Variants in ZNF705G observed in about 807,000 individuals in gnomAD.
ZNF705G encodes putative zinc finger protein 705G.
Under a neutral mutation model 19.6 loss-of-function variants are expected in ZNF705G, and 23 were observed. The observed-to-expected ratio is 1.17, with a 90% CI of 0.84 to 1.66. The LOEUF is 1.66. ZNF705G is among the 40% of genes most tolerant of loss of function. ZNF705G has a pLI of 0.00. For missense variants in ZNF705G, 457 were observed against 354.4 expected, an observed-to-expected ratio of 1.29 and a Z score of -2.32; for synonymous variants, 146 against 117.7, an observed-to-expected ratio of 1.24 and a Z score of -1.56.
rs868661269 is a variant in ZNF705G, at chr8:7,383,134, T to A, written c.-221-1533A>T. On this transcript the variant is annotated intron_variant, in intron 1 of 6. Transcript: ENST00000400156. ...TTGAGTTCAATGTTTGATTTTTTTTTTTTTTTTTTTTTGCTACCTGGTTAA... is the reference window on the plus strand; with the variant it reads ...TTGAGTTCAATGTTTGATTTTTTTTATTTTTTTTTTTTGCTACCTGGTTAA... Among the ~76,000 whole-genome samples the A allele has an allele frequency of 3.2e-3, 478 of 150,114 alleles. 3 individuals carry two copies. The highest frequency in any genetic ancestry group is 4.5e-3 in the Admixed American group (69 of 15,226).
At chr8:7,364,158 C>A (rs1202468839) in intron 2 of ZNF705G, among the ~76,000 whole-genome samples, 1 of 149,392 alleles carries the variant, frequency 6.7e-6, no homozygotes. Context: ...TGAGAAATAC[C>A]GATGTCCATG....
At chr8:7,365,557 A>G (rs1806818684) in intron 2 of ZNF705G, among the ~76,000 whole-genome samples, 1 of 148,706 alleles carries the variant, frequency 6.7e-6, no homozygotes, top group East Asian at 1.9e-4. Context: ...TTTGTACTAG[A>G]CGTGGTTTCT....
In ZNF705G at chr8:7,380,783, G is replaced by C. The variant is rs1002310736; in HGVS notation, c.-72+669C>G. On this transcript the variant is annotated intron_variant, in intron 2 of 6. Coordinates refer to ENST00000400156, the MANE Select transcript of ZNF705G (RefSeq NM_001164457.3). Reference sequence around the variant, plus strand: ...GCCTGTAATCCTAGCACTTTGGAAGGCTGAGGGGGGCAGATCACCCGAGGT... The same window carrying C: ...GCCTGTAATCCTAGCACTTTGGAAGCCTGAGGGGGGCAGATCACCCGAGGT... Among the ~76,000 whole-genome samples the C allele has an allele frequency of 4.8e-5, 7 of 146,024 alleles. 1 individual carries two copies. Among genetic ancestry groups the C allele is most frequent in the African/African-American group, 1.4e-4 (5 of 35,816 alleles).
At chr8:7,385,222 A>C (rs1377446068) in intron 1 of ZNF705G, among the ~76,000 whole-genome samples, 1 of 148,618 alleles carries the variant, frequency 6.7e-6, no homozygotes, top group African/African-American at 2.6e-5. Context: ...GTGCTCCTTA[A>C]TCACTTCCCA....
At position 7,360,217 on chromosome 8, in the gene ZNF705G, C is replaced by A; in HGVS notation, c.235+20G>T. 1 of 1,591,198 alleles carries A rather than the reference C, an allele frequency of 6.3e-7. No homozygotes were observed. Among genetic ancestry groups the A allele is most frequent in the South Asian group, 1.1e-5 (1 of 90,664 alleles). Reference sequence around the variant, plus strand: ...GACAAAGCACCTCCTCCTATTAGAGCACAGGACCCTGTTGCTTACTTGGAT... The same window carrying A: ...GACAAAGCACCTCCTCCTATTAGAGAACAGGACCCTGTTGCTTACTTGGAT... On this transcript the variant is annotated intron_variant, in intron 5 of 6. Transcript: ENST00000400156.
Position 7,360,240 on chromosome 8 carries a change from G to T in ZNF705G, c.232C>A (p.Pro78Thr), listed in dbSNP as rs752127080. 2.6e-5 allele frequency: 42 copies of T among 1,592,200 alleles called. 1 individual carries two copies. In the East Asian group the frequency reaches 2.7e-4, roughly 10 times the overall value. Residue 78 changes from proline to threonine, a missense_variant, in exon 5 of 7, where the codon CCA (proline) becomes ACA (threonine). Pro to Thr is a conservative substitution (Grantham distance 38). Coordinates refer to ENST00000400156, the MANE Select transcript of ZNF705G (RefSeq NM_001164457.3). ...AGCACAGGACCCTGTTGCTTACTTGGATTCTGGTCTTGAAGAAATACTCTT... is the reference window on the plus strand; with the variant it reads ...AGCACAGGACCCTGTTGCTTACTTGTATTCTGGTCTTGAAGAAATACTCTT... ...EGRVFLQDQN[P>T]NRESALKKTH...
At position 7,358,224 on chromosome 8, in the gene ZNF705G, C is replaced by A; in HGVS notation, c.655G>T (p.Glu219Ter). 1 of 1,607,608 alleles carries A rather than the reference C, an allele frequency of 6.2e-7. No individual in the cohort carries two copies. Among genetic ancestry groups the A allele is most frequent in the Non-Finnish European group, 8.5e-7 (1 of 1,179,610 alleles). ...FTQCSHLRRH[E>*]KTHTGQRPYK... is the part of the protein sequence containing the mutation. ...GGTCTCTGTCCCGTGTGAGTTTTCT[C>A]GTGTCTTCTAAGGTGAGAACACTGA... is the stretch of plus-strand genomic sequence containing the variant. The change falls in exon 7 of 7, where the codon GAG (glutamate) becomes TAG (stop). Residue 219 changes from glutamate to a stop codon, truncating the protein, a stop_gained. Coordinates refer to ENST00000400156, the MANE Select transcript of ZNF705G (RefSeq NM_001164457.3). LOFTEE classifies it high-confidence loss of function.
intron 1 of ZNF705G, among the ~76,000 whole-genome samples, chr8:7,384,504 C>T (rs1281418020): frequency 6.9e-6 from 1 of 145,950 alleles, no homozygotes; most frequent in East Asian, 1.9e-4. Flanking sequence ...TGCAAATGAA[C>T]CTAACCTGTA....
At chr8:7,361,822 G>T (rs1335092707) in intron 3 of ZNF705G, among the ~76,000 whole-genome samples, 1 of 149,574 alleles carries the variant, frequency 6.7e-6, no homozygotes, top group East Asian at 1.9e-4. Flanking sequence ...AGAAAGTAAT[G>T]ACCCAGACTC....
chr8:7,380,580 T>A (rs1490649396), intron 2 of ZNF705G, among the ~76,000 whole-genome samples: 11 of 147,108 alleles, frequency 7.5e-5, no homozygotes, highest in Admixed American at 3.3e-4. Context: ...GACTACTCTG[T>A]CCATCATGTT....
At chr8:7,368,897 A>G (rs1219467327) in intron 2 of ZNF705G, among the ~76,000 whole-genome samples, 1 of 149,618 alleles carries the variant, frequency 6.7e-6, no homozygotes, top group East Asian at 1.9e-4. Flanking sequence ...GAGGTATTAA[A>G]CCTGCAGGTG....
In ZNF705G at chr8:7,357,430, G is replaced by T. The variant is rs1012807801; in HGVS notation, c.*546C>A. The T allele has an allele frequency of 6.1e-6, 1 of 165,142 alleles. No individual in the cohort carries two copies. Among genetic ancestry groups the T allele is most frequent in the Admixed American group, 5.6e-5 (1 of 17,850 alleles). 10.2% of individuals were successfully genotyped at this position (165,142 alleles called of 1,614,324 possible). Reference sequence around the variant, plus strand: ...CATTCACAGAAAATACAAATAAAGGGTTCATCCAAGTAAAGTTTTCTCATG... The same window carrying T: ...CATTCACAGAAAATACAAATAAAGGTTTCATCCAAGTAAAGTTTTCTCATG... On this transcript the variant is annotated 3_prime_UTR_variant, in exon 7 of 7. Coordinates refer to ENST00000400156, the MANE Select transcript of ZNF705G (RefSeq NM_001164457.3).
intron 2 of ZNF705G, among the ~76,000 whole-genome samples, chr8:7,368,756 C>A (rs2128841316): frequency 6.7e-6 from 1 of 149,838 alleles, no homozygotes; most frequent in South Asian, 2.1e-4. Flanking sequence ...GGGCCCAGTG[C>A]AAGCACAGGA....
chr8:7,364,840 A>G (rs1427849225), intron 2 of ZNF705G, among the ~76,000 whole-genome samples: 1 of 149,546 alleles, frequency 6.7e-6, no homozygotes, highest in Non-Finnish European at 1.5e-5. Context: ...CAGTACATGT[A>G]TTATGTAGTC....
chr8:7,379,616 C>A lies in ZNF705G; in HGVS notation c.-72+1836G>T, dbSNP rs941266450. On this transcript the variant is annotated intron_variant, in intron 2 of 6. Transcript: ENST00000400156. ...AAGGAAGGAAAATGAAGCAGCTGCC[C>A]AGCCAGAATCAGCTTAAAGCCAGGA... Among the ~76,000 whole-genome samples, 4 of 147,120 alleles carry A rather than the reference C, an allele frequency of 2.7e-5. 1 individual carries two copies. The highest frequency in any genetic ancestry group is 1.1e-4 in the African/African-American group (4 of 36,658).
intron 2 of ZNF705G, among the ~76,000 whole-genome samples, chr8:7,381,045 A>C (rs1386582324): frequency 1.5e-5 from 2 of 137,568 alleles, no homozygotes; most frequent in African/African-American, 3.4e-5. Flanking sequence ...AAAAAAAAAA[A>C]AAAAAAAACA....
Position 7,359,711 on chromosome 8 carries a change from T to C in ZNF705G, c.236-10A>G, listed in dbSNP as rs575175937. ...AGGGCACTTTCCCTGTCTGAAATAA[T>C]TGAAAAATAAATTGTTACATTGGTA... is the stretch of plus-strand genomic sequence containing the variant. On this transcript the variant is annotated splice_polypyrimidine_tract_variant and intron_variant, in intron 5 of 6. Transcript: ENST00000400156. 4.7e-5 allele frequency: 76 copies of C among 1,606,526 alleles called. 2 individuals carry two copies. Among genetic ancestry groups the C allele is most frequent in the Non-Finnish European group, 5.9e-5 (70 of 1,179,116 alleles).
intron 1 of ZNF705G, among the ~76,000 whole-genome samples, chr8:7,383,401 T>G (rs1807592668): frequency 6.8e-6 from 1 of 146,562 alleles, no homozygotes; most frequent in Admixed American, 6.6e-5. Flanking sequence ...ACTGTGAGCT[T>G]CTAAAGTAAC....
At chr8:7,367,468 A>G (rs1439286606) in intron 2 of ZNF705G, among the ~76,000 whole-genome samples, 3 of 149,440 alleles carry the variant, frequency 2.0e-5, no homozygotes, top group African/African-American at 5.1e-5. Context: ...TTCCGGGGGC[A>G]CGCTCCACCG....
Sources: gnomAD v4.1 joint callset for allele counts (sites outside exome capture counted in the v4.1 genomes callset) on GRCh38, gnomAD v4.1.1 for gene constraint, MANE v1.5 for transcripts, NCBI Gene and HGNC (gene_info 2026-07-23, HGNC 2026-07-21) for gene names.